DCC: variants seen among roughly 807,000 people sequenced by gnomAD.
DCC encodes the protein netrin receptor DCC.
A neutral mutation model predicts 172.5 loss-of-function variants in DCC; 58 were observed. The ratio of observed to expected loss-of-function variants is 0.34; its 90% CI spans 0.27 to 0.42. DCC has a LOEUF of 0.42. Ranked by LOEUF, DCC falls within the 10% of genes least tolerant of loss-of-function variation. The pLI is 1.00. For missense variants in DCC, 1,740 were observed against 1,791.0 expected, an observed-to-expected ratio of 0.97 and a Z score of 0.51; for synonymous variants, 709 against 644.5, an observed-to-expected ratio of 1.10 and a Z score of -1.52.
chr18:53,048,536 TACAC>T (rs924786900), intron 5 of DCC, among the ~76,000 whole-genome samples: 6 of 149,074 alleles, frequency 4.0e-5, no homozygotes, highest in Non-Finnish European at 7.4e-5. Flanking sequence ...TATACATATA[TACAC>T]ACACATATAT....
At chr18:52,510,378 G>A (rs1022605456) in intron 1 of DCC, among the ~76,000 whole-genome samples, 6 of 152,160 alleles carry the variant, frequency 3.9e-5, no homozygotes, top group Non-Finnish European at 8.8e-5. Flanking sequence ...TGTAGGATCC[G>A]TGGCAGCCTG....
intron 2 of DCC, among the ~76,000 whole-genome samples, chr18:52,891,366 A>T (rs1268434655): frequency 6.6e-6 from 1 of 152,126 alleles, no homozygotes; most frequent in African/African-American, 2.4e-5. Context: ...TTGTTAAATT[A>T]TGTCCTGAAT....
intron 1 of DCC, among the ~76,000 whole-genome samples, chr18:52,386,155 G>A (rs2144335961): frequency 6.6e-6 from 1 of 152,132 alleles, no homozygotes; most frequent in African/African-American, 2.4e-5. Context: ...GAGGCTCTGG[G>A]AGCCTAAGTA....
rs146832488 is a variant in DCC at position 52,543,377 on chromosome 18, A to G, written c.91+202499A>G. 2.6e-4 allele frequency among the ~76,000 whole-genome samples: 39 copies of G among 152,312 alleles called. No individual in the cohort carries two copies. In the East Asian group the frequency reaches 5.8e-3, roughly 23 times the overall value. On this transcript the variant is annotated intron_variant, in intron 1 of 28. Coordinates refer to ENST00000442544, the MANE Select transcript of DCC (RefSeq NM_005215.4). ...AAATTCAGGGTGTATTTTACACTTAACAGCTCTTCTCAATTTGGGCTAGCA... is the reference window on the plus strand; with the variant it reads ...AAATTCAGGGTGTATTTTACACTTAGCAGCTCTTCTCAATTTGGGCTAGCA...
chr18:53,492,756 T>A (rs2045973257), intron 26 of DCC, among the ~76,000 whole-genome samples: 1 of 152,244 alleles, frequency 6.6e-6, no homozygotes, highest in South Asian at 2.1e-4. Context: ...TCCAGCTTTG[T>A]TCTTTTTTGC....
chr18:52,841,046 A>T (rs1222947571), intron 2 of DCC, among the ~76,000 whole-genome samples: 14 of 152,220 alleles, frequency 9.2e-5, no homozygotes, highest in Non-Finnish European at 1.5e-4. Context: ...GGTCTCCGTG[A>T]AAAAGGCATT....
intron 12 of DCC, among the ~76,000 whole-genome samples, chr18:53,304,096 C>T (rs1401447867): frequency 6.6e-6 from 1 of 152,102 alleles, no homozygotes; most frequent in Non-Finnish European, 1.5e-5. Context: ...TCTTCTGTTC[C>T]TCTCCTCTTC....
intron 11 of DCC, among the ~76,000 whole-genome samples, chr18:53,214,954 A>G (rs1003215073): frequency 6.6e-6 from 1 of 152,182 alleles, no homozygotes; most frequent in African/African-American, 2.4e-5. Flanking sequence ...AAAGAAAAAT[A>G]TACTGCTGCT....
At chr18:53,154,974 T>A (rs916003105) in intron 7 of DCC, among the ~76,000 whole-genome samples, 22 of 152,180 alleles carry the variant, frequency 1.4e-4, no homozygotes, top group African/African-American at 5.3e-4. Context: ...TATAAAAGAT[T>A]GACTAACTCA....
rs549155160 is a variant in DCC, at chr18:53,072,032, GC to G, written c.1261+5868del. ...AATCCCAGCTACTTGGGAGGCTGAG[GC>G]CAGGACAATCAGTTGAACCCGGAGG... On this transcript the variant is annotated intron_variant, in intron 7 of 28. Transcript: ENST00000442544. Among the ~76,000 whole-genome samples the G allele has an allele frequency of 2.7e-3, 405 of 152,190 alleles. 1 individual carries two copies. Among genetic ancestry groups the G allele is most frequent in the Non-Finnish European group, 3.7e-3 (254 of 68,002 alleles).
At chr18:52,531,468 G>T (rs1004413485) in intron 1 of DCC, among the ~76,000 whole-genome samples, 2 of 152,098 alleles carry the variant, frequency 1.3e-5, no homozygotes, top group Non-Finnish European at 2.9e-5. Flanking sequence ...TGAAAGTAAG[G>T]CAATATATTC....
At chr18:52,900,804 C>T (rs2039798532) in intron 2 of DCC, among the ~76,000 whole-genome samples, 1 of 152,134 alleles carries the variant, frequency 6.6e-6, no homozygotes, top group African/African-American at 2.4e-5. Context: ...CATCTTGGGC[C>T]AGTCTAGGTG....
intron 1 of DCC, among the ~76,000 whole-genome samples, chr18:52,691,554 T>G (rs2035930012): frequency 6.6e-6 from 1 of 152,108 alleles, no homozygotes. Flanking sequence ...GCTACATCAC[T>G]CCAATCTCTG....
intron 2 of DCC, among the ~76,000 whole-genome samples, chr18:52,840,070 T>A (rs1026481994): frequency 1.3e-5 from 2 of 152,138 alleles, no homozygotes; most frequent in Admixed American, 6.5e-5. Flanking sequence ...TACTTAACAT[T>A]TCTAGAAGGC....
At chr18:53,310,513 CA>C (rs1429873375) in intron 13 of DCC, among the ~76,000 whole-genome samples, 3 of 151,784 alleles carry the variant, frequency 2.0e-5, no homozygotes, top group African/African-American at 7.3e-5. Flanking sequence ...GAGACATCTG[CA>C]ATAACAAAGT....
At chr18:53,288,423 T>G (rs2056960893) in intron 12 of DCC, among the ~76,000 whole-genome samples, 1 of 152,108 alleles carries the variant, frequency 6.6e-6, no homozygotes, top group Non-Finnish European at 1.5e-5. Flanking sequence ...TTTCTTTCCA[T>G]GTTGCATAAT....
At chr18:53,218,469 A>G (rs4609919) in intron 12 of DCC, among the ~76,000 whole-genome samples, 131,646 of 152,004 alleles carry the variant, frequency 0.87, 57,229 homozygotes, top group Admixed American at 0.92. Context: ...CTAGATAATG[A>G]AACTAAGAAC....
At chr18:53,513,324 G>A (rs948378136) in intron 27 of DCC, among the ~76,000 whole-genome samples, 2 of 152,282 alleles carry the variant, frequency 1.3e-5, no homozygotes, top group East Asian at 3.9e-4. Flanking sequence ...GCTAAACATG[G>A]AAAGGAACAA....
intron 1 of DCC, among the ~76,000 whole-genome samples, chr18:52,568,687 T>TAC (rs1340208707): frequency 1.3e-5 from 2 of 151,928 alleles, no homozygotes; most frequent in East Asian, 3.9e-4. Context: ...TGTGTGTGCT[T>TAC]ACACACACAC....
Sources: gnomAD v4.1 joint callset for allele counts (sites outside exome capture counted in the v4.1 genomes callset) on GRCh38, gnomAD v4.1.1 for gene constraint, MANE v1.5 for transcripts, NCBI Gene and HGNC (gene_info 2026-07-23, HGNC 2026-07-21) for gene names.